KYNU: variants seen among roughly 807,000 people sequenced by gnomAD.
The protein encoded by KYNU is L-kynurenine hydrolase.
In KYNU, 54 loss-of-function variants were observed where a neutral mutation model predicts 59.2. The observed-to-expected ratio is 0.91, with a 90% CI of 0.73 to 1.14. The LOEUF is 1.14. Among genes scored for constraint, KYNU ranks in the 50% most tolerant of loss-of-function variants. The probability of loss-of-function intolerance (pLI) is 0.00; values close to 1 mark genes in which losing one functional copy is unlikely to be tolerated. For missense variants in KYNU, 567 were observed against 554.4 expected, an observed-to-expected ratio of 1.02 and a Z score of -0.23; for synonymous variants, 177 against 192.0, an observed-to-expected ratio of 0.92 and a Z score of 0.65.
chr2:142,954,337 T>G (rs1428604091), intron 4 of KYNU, among the ~76,000 whole-genome samples: 1 of 152,136 alleles, frequency 6.6e-6, no homozygotes, highest in Admixed American at 6.5e-5. Flanking sequence ...TATATTTCAC[T>G]GTAATAACAG....
At chr2:142,994,364 G>A (rs1685480584) in intron 10 of KYNU, among the ~76,000 whole-genome samples, 2 of 152,036 alleles carry the variant, frequency 1.3e-5, no homozygotes, top group Non-Finnish European at 2.9e-5. Context: ...TCTAAACCAC[G>A]TGATCCATAT....
chr2:142,897,252 TG>T (rs1381930077), intron 2 of KYNU, among the ~76,000 whole-genome samples: 6 of 152,224 alleles, frequency 3.9e-5, no homozygotes, highest in Middle Eastern at 3.2e-3. Context: ...TACATTCATT[TG>T]GTTCCTGGCG....
chr2:142,903,020 TA>T (rs1327148492), intron 2 of KYNU, among the ~76,000 whole-genome samples: 1 of 152,052 alleles, frequency 6.6e-6, no homozygotes, highest in Non-Finnish European at 1.5e-5. Context: ...AGTAGAAGGG[TA>T]AGGTACAGCT....
chr2:142,999,140 A>G (rs1394944786), intron 10 of KYNU, among the ~76,000 whole-genome samples: 1 of 151,554 alleles, frequency 6.6e-6, no homozygotes, highest in East Asian at 1.9e-4. Flanking sequence ...TTATTAAATC[A>G]CTGGTTCATT....
At chr2:142,917,339 G>A (rs761228128) in intron 2 of KYNU, among the ~76,000 whole-genome samples, 1 of 152,136 alleles carries the variant, frequency 6.6e-6, no homozygotes, top group Non-Finnish European at 1.5e-5. Flanking sequence ...ATATTCTCAA[G>A]GGTTGTGTAG....
chr2:142,986,095 G>C, intron 10 of KYNU, 74 bp downstream of exon 10: 2 of 1,030,462 alleles, frequency 1.9e-6, no homozygotes, highest in Non-Finnish European at 3.1e-6. Context: ...AAATTTACAT[G>C]AGTTCCTTAA....
intron 12 of KYNU, among the ~76,000 whole-genome samples, chr2:143,036,180 A>G (rs1260442980): frequency 1.3e-5 from 2 of 151,998 alleles, no homozygotes; most frequent in African/African-American, 4.8e-5. Flanking sequence ...TTTCAGTGCT[A>G]TAAAGAAATA....
chr2:142,918,222 CGT>C (rs1397842231), intron 2 of KYNU, among the ~76,000 whole-genome samples: 2 of 152,006 alleles, frequency 1.3e-5, no homozygotes, highest in East Asian at 3.8e-4. Flanking sequence ...AAATTAGTAC[CGT>C]GTTAGTACTT....
intron 2 of KYNU, among the ~76,000 whole-genome samples, chr2:142,902,673 G>A (rs560843590): frequency 1.3e-5 from 2 of 152,334 alleles, no homozygotes; most frequent in South Asian, 2.1e-4. Flanking sequence ...AAACCTTGTA[G>A]CCACAAGTGG....
chr2:142,911,008 C>G (rs950222627), intron 2 of KYNU, among the ~76,000 whole-genome samples: 6 of 152,044 alleles, frequency 3.9e-5, no homozygotes, highest in African/African-American at 1.2e-4. Flanking sequence ...ATGCCATCAG[C>G]CTTGTTCTTT....
chr2:142,949,771 C>G (rs1683924685), intron 4 of KYNU, among the ~76,000 whole-genome samples: 1 of 152,146 alleles, frequency 6.6e-6, no homozygotes, highest in African/African-American at 2.4e-5. Context: ...TGGGGATTAA[C>G]ATTCTGCTCC....
chr2:142,879,805 T>G (rs1328749777), intron 1 of KYNU: 1 of 152,190 alleles, frequency 6.6e-6, no homozygotes, highest in Non-Finnish European at 1.5e-5. Context: ...AAGATACAGA[T>G]AGAATGACGC....
chr2:143,048,422 A>C lies in KYNU; in HGVS notation c.*6250A>C, dbSNP rs534875058. Reference sequence around the variant, plus strand: ...AACTCTTTACTTATACACTATTGCTATTCATTATAGCATTTTTAGTCTAGC... The same window carrying C: ...AACTCTTTACTTATACACTATTGCTCTTCATTATAGCATTTTTAGTCTAGC... On this transcript the variant is annotated 3_prime_UTR_variant, in exon 14 of 14. Coordinates refer to ENST00000264170, the MANE Select transcript of KYNU (RefSeq NM_003937.3). 29 of 152,052 alleles carry C rather than the reference A, an allele frequency of 1.9e-4. No homozygotes were observed. The highest frequency in any genetic ancestry group is 6.7e-4 in the African/African-American group (28 of 41,502). The allele number at this position is 152,052 out of a possible 1,614,324, so 9.4% of individuals were successfully genotyped here.
intron 3 of KYNU, among the ~76,000 whole-genome samples, chr2:142,924,791 A>G (rs1196139792): frequency 1.3e-5 from 2 of 152,200 alleles, no homozygotes; most frequent in African/African-American, 4.8e-5. Context: ...TTGTTTGAAC[A>G]ATATATTTTT....
In KYNU at chr2:143,055,021, A is replaced by C. The variant is rs1044448189; in HGVS notation, c.*12849A>C. On this transcript the variant is annotated 3_prime_UTR_variant, in exon 14 of 14. Coordinates refer to ENST00000264170, the MANE Select transcript of KYNU (RefSeq NM_003937.3). ...TAAGAAGCTATTCATATTTCTATAT[A>C]TATATACCAAGTACATAGGAGTGAA... 6.6e-6 allele frequency: 1 copy of C among 152,192 alleles called. No homozygotes were observed. Among genetic ancestry groups the C allele is most frequent in the Non-Finnish European group, 1.5e-5 (1 of 68,040 alleles). The allele number at this position is 152,192 out of a possible 1,614,324, so 9.4% of individuals were successfully genotyped here.
intron 2 of KYNU, among the ~76,000 whole-genome samples, chr2:142,897,784 G>A (rs1681931427): frequency 3.3e-5 from 5 of 152,096 alleles, no homozygotes; most frequent in Admixed American, 3.3e-4. Flanking sequence ...CTAAACAGGA[G>A]AGCATTCTAA....
At position 143,031,505 on chromosome 2, in the gene KYNU, A is replaced by G. The variant is rs141081887; in HGVS notation, c.956-1731A>G. 6.6e-3 allele frequency among the ~76,000 whole-genome samples: 998 copies of G among 152,202 alleles called. 12 individuals are homozygous for G. Among genetic ancestry groups the G allele is most frequent in the African/African-American group, 0.022 (934 of 41,516 alleles). On this transcript the variant is annotated intron_variant, in intron 11 of 13. Coordinates refer to ENST00000264170, the MANE Select transcript of KYNU (RefSeq NM_003937.3). Reference sequence around the variant, plus strand: ...TTTGGGAGGCAAGGCAGATGGATCAATTGATCACAGGAGTTTGAGACCAGC... The same window carrying G: ...TTTGGGAGGCAAGGCAGATGGATCAGTTGATCACAGGAGTTTGAGACCAGC...
intron 10 of KYNU, among the ~76,000 whole-genome samples, chr2:143,028,243 C>CTTTTTTTTTTT (rs754504556): frequency 1.3e-4 from 12 of 90,440 alleles, no homozygotes; most frequent in East Asian, 3.2e-4. Context: ...ATTTTACATT[C>CTTTTTTTTTTT]TTTTTTTTTT....
chr2:142,981,783 A>G (rs1258460773), intron 8 of KYNU, among the ~76,000 whole-genome samples: 1 of 152,060 alleles, frequency 6.6e-6, no homozygotes, highest in Non-Finnish European at 1.5e-5. Context: ...TTAATTAATT[A>G]ACTTTTCAGT....
Sources: allele counts gnomAD v4.1 joint callset (sites outside exome capture counted in the v4.1 genomes callset), GRCh38; gene constraint gnomAD v4.1.1; transcripts MANE v1.5; gene names NCBI Gene and HGNC (gene_info 2026-07-23, HGNC 2026-07-21).